Variants in TRIM11 observed in about 807,000 individuals in gnomAD.
TRIM11 encodes E3 ubiquitin-protein ligase TRIM11.
TRIM11 carries 15 observed loss-of-function variants against 33.4 expected under a neutral mutation model. The observed-to-expected ratio is 0.45, with a 90% confidence interval of 0.30 to 0.69. The LOEUF (loss-of-function observed/expected upper bound fraction) is 0.69. Ranked by LOEUF, TRIM11 falls within the 30% of genes least tolerant of loss-of-function variation. The probability of loss-of-function intolerance (pLI) is 0.08; values close to 1 mark genes in which losing one functional copy is unlikely to be tolerated. For missense variants in TRIM11, 499 were observed against 667.6 expected, an observed-to-expected ratio of 0.75 and a Z score of 2.78; for synonymous variants, 281 against 302.6, an observed-to-expected ratio of 0.93 and a Z score of 0.74.
At position 228,402,068 on chromosome 1, in the gene TRIM11, G is replaced by T. The variant is rs747736179; in HGVS notation, c.502C>A (p.Gln168Lys). The change falls in exon 2 of 6, where the codon CAG becomes AAG. Residue 168 changes from glutamine to lysine, a missense_variant and splice_region_variant. Transcript: ENST00000284551. ...ACCCTGGGAGCCCCAGCACCTGCCTGCCACAAGACGCAGGTCTCATCCGCC... is the reference window on the plus strand; with the variant it reads ...ACCCTGGGAGCCCCAGCACCTGCCTTCCACAAGACGCAGGTCTCATCCGCC... ...AQADETCVLW[Q>K]KMVESQRQNV... is the part of the protein sequence containing the mutation. The T allele has an allele frequency of 6.2e-7, 1 of 1,610,874 alleles. No homozygotes were observed. Among genetic ancestry groups the T allele is most frequent in the Non-Finnish European group, 8.5e-7 (1 of 1,178,286 alleles).
chr1:228,401,535 A>G lies in TRIM11; in HGVS notation c.505-341T>C, dbSNP rs964871289. Among the ~76,000 whole-genome samples, 2 of 151,822 alleles carry G rather than the reference A, an allele frequency of 1.3e-5. No homozygotes were observed. Among genetic ancestry groups the G allele is most frequent in the African/African-American group, 4.8e-5 (2 of 41,296 alleles). ...TATCTAGTCCCTCCCCAACTTCCAA[A>G]TCCACCCATTGGCTTGGTAGAACCC... On this transcript the variant is annotated intron_variant, in intron 2 of 5. Coordinates refer to ENST00000284551, the MANE Select transcript of TRIM11 (RefSeq NM_145214.3). The surrounding 1 kb of genome is among the most constrained non-coding windows in gnomAD (Gnocchi z 6.1).
In TRIM11 at chr1:228,401,700, G is replaced by A. The variant is rs1656230454; in HGVS notation, c.504+366C>T. On this transcript the variant is annotated intron_variant, in intron 2 of 5. Coordinates refer to ENST00000284551, the MANE Select transcript of TRIM11 (RefSeq NM_145214.3). The surrounding 1 kb of genome is among the most constrained non-coding windows in gnomAD (Gnocchi z 6.1). ...CAGACCCCAAATCTACCCCAGAACTGGACAGATCCCAAATCTACTCCTCAG... is the reference window on the plus strand; with the variant it reads ...CAGACCCCAAATCTACCCCAGAACTAGACAGATCCCAAATCTACTCCTCAG... Among the ~76,000 whole-genome samples, 1 of 151,780 alleles carries A rather than the reference G, an allele frequency of 6.6e-6. No individual in the cohort carries two copies. Among genetic ancestry groups the A allele is most frequent in the African/African-American group, 2.4e-5 (1 of 41,280 alleles).
rs35670307 is a variant in TRIM11 at position 228,400,953 on chromosome 1, G to A, written c.735+11C>T. 114,788 of 1,547,348 alleles carry A rather than the reference G, an allele frequency of 0.074. 4,851 individuals carry two copies. Among genetic ancestry groups the A allele is most frequent in the Middle Eastern group, 0.12 (582 of 5,044 alleles). On this transcript the variant is annotated intron_variant, in intron 3 of 5. Transcript: ENST00000284551. This position sits in a 1 kb window ranked among gnomAD's most constrained non-coding sequence, Gnocchi z 4.5. ...CGTGTGGCCACCATGGCTGCTCCCC[G>A]CCCAGCTCACCTGCAGCAGCCCCAG... is the stretch of plus-strand genomic sequence containing the variant.
rs2074976047 is a variant in TRIM11, at chr1:228,395,417, G to A, written c.860-165C>T. On this transcript the variant is annotated intron_variant, in intron 5 of 5. Transcript: ENST00000284551. The surrounding 1 kb of genome is among the most constrained non-coding windows in gnomAD (Gnocchi z 4.8). Reference sequence around the variant, plus strand: ...CTGGAGTAACTAACTGTCTCCAAGTGGACATCCTCTCCCCACTTAGCTACG... The same window carrying A: ...CTGGAGTAACTAACTGTCTCCAAGTAGACATCCTCTCCCCACTTAGCTACG... 6 of 582,244 alleles carry A rather than the reference G, an allele frequency of 1.0e-5. No individual in the cohort carries two copies. The highest frequency in any genetic ancestry group is 1.9e-5 in the African/African-American group (1 of 52,062). 36.1% of individuals were successfully genotyped at this position (582,244 alleles called of 1,614,324 possible).
In TRIM11 at chr1:228,402,065, C is replaced by T; in HGVS notation, c.504+1G>A. 1 of 1,610,754 alleles carries T rather than the reference C, an allele frequency of 6.2e-7. No individual in the cohort carries two copies. Among genetic ancestry groups the T allele is most frequent in the Non-Finnish European group, 8.5e-7 (1 of 1,178,220 alleles). On this transcript the variant is annotated splice_donor_variant, in intron 2 of 5. Coordinates refer to ENST00000284551, the MANE Select transcript of TRIM11 (RefSeq NM_145214.3). LOFTEE classifies it high-confidence loss of function. Reference sequence around the variant, plus strand: ...AGGACCCTGGGAGCCCCAGCACCTGCCTGCCACAAGACGCAGGTCTCATCC... The same window carrying T: ...AGGACCCTGGGAGCCCCAGCACCTGTCTGCCACAAGACGCAGGTCTCATCC...
chr1:228,396,439 T>A, intron 5 of TRIM11: 1 of 560,284 alleles, frequency 1.8e-6, no homozygotes, highest in Non-Finnish European at 3.2e-6. Flanking sequence ...TTCCCCAGGC[T>A]TTGCCCATGT....
chr1:228,405,865 T>C (rs1224467701), intron 1 of TRIM11: 2 of 361,326 alleles, frequency 5.5e-6, no homozygotes, highest in East Asian at 8.4e-5. Flanking sequence ...CCTTCCTCTC[T>C]TAGCCTCTAT....
intron 3 of TRIM11, among the ~76,000 whole-genome samples, chr1:228,398,452 T>TA (rs973817429): frequency 1.6e-4 from 25 of 151,598 alleles, no homozygotes; most frequent in Non-Finnish European, 2.5e-4. Flanking sequence ...GTCCCATCTC[T>TA]AAAAAAAAAT....
At position 228,395,175 on chromosome 1, in the gene TRIM11, C is replaced by G; in HGVS notation, c.937G>C (p.Asp313His). The G allele has an allele frequency of 6.6e-7, 1 of 1,519,552 alleles. No homozygotes were observed. The highest frequency in any genetic ancestry group is 8.8e-7 in the Non-Finnish European group (1 of 1,140,408). The allele number at this position is 1,519,552 out of a possible 1,614,324, so 94.1% of individuals were successfully genotyped here. Residue 313 changes from aspartate to histidine, a missense_variant, in exon 6 of 6, where the codon GAC (aspartate) becomes CAC (histidine). Physicochemically the swap from Asp to His is moderately conservative, Grantham distance 81 (BLOSUM62 -1). Transcript: ENST00000284551. This position sits in a 1 kb window ranked among gnomAD's most constrained non-coding sequence, Gnocchi z 4.8. ...SEDRRSVQRG[D>H]LRQALPDSPE... ...CTGTCCGGCAGGGCCTGCCGTAGGT[C>G]CCCCCGCTGCACGCTCCGCCTGTCT... is the stretch of plus-strand genomic sequence containing the variant.
At position 228,395,328 on chromosome 1, in the gene TRIM11, T is replaced by C. The variant is rs1200094841; in HGVS notation, c.860-76A>G. 6 of 1,376,764 alleles carry C rather than the reference T, an allele frequency of 4.4e-6. No individual in the cohort carries two copies. The African/African-American group carries it at 8.7e-5, about 20-fold the overall frequency. The allele number at this position is 1,376,764 out of a possible 1,614,324, so 85.3% of individuals were successfully genotyped here. ...GCCATCTGCCCATGTCCTGGGCATG[T>C]AGGTACAATCCTCCCAGTCGGACGG... On this transcript the variant is annotated intron_variant, in intron 5 of 5. Coordinates refer to ENST00000284551, the MANE Select transcript of TRIM11 (RefSeq NM_145214.3). The surrounding 1 kb of genome is among the most constrained non-coding windows in gnomAD (Gnocchi z 4.8).
intron 1 of TRIM11, chr1:228,405,518 G>A (rs1040884758): frequency 6.6e-6 from 1 of 152,238 alleles, no homozygotes; most frequent in African/African-American, 2.4e-5. Context: ...CCTTCAGCTC[G>A]GGTTTTATTT....
At position 228,395,034 on chromosome 1, in the gene TRIM11, T is replaced by C. The variant is rs2074968456; in HGVS notation, c.1078A>G (p.Arg360Gly). 2 of 1,613,900 alleles carry C rather than the reference T, an allele frequency of 1.2e-6. No individual in the cohort carries two copies. Among genetic ancestry groups the C allele is most frequent in the Non-Finnish European group, 1.7e-6 (2 of 1,179,880 alleles). Residue 360 changes from arginine to glycine, a missense_variant, in exon 6 of 6, where the codon AGG (arginine) becomes GGG (glycine). By Grantham distance (125) the Arg-to-Gly change is moderately radical (BLOSUM62 -2). Transcript: ENST00000284551. The surrounding 1 kb of genome is among the most constrained non-coding windows in gnomAD (Gnocchi z 4.8). ...TTCTCCTTCCTGTTCACGTTCTCCC[T>C]GCACACCCCCAGGGCCCAGCTGGTG... is the stretch of plus-strand genomic sequence containing the variant. ...DRTSWALGVC[R>G]ENVNRKEKGE...
At position 228,401,278 on chromosome 1, in the gene TRIM11, C is replaced by T; in HGVS notation, c.505-84G>A. ...AGTTTGGTCAGACCCCAAGCCCACC[C>T]AGAGGCCTGGCTGCACCCAACCCCA... On this transcript the variant is annotated intron_variant, in intron 2 of 5. Coordinates refer to ENST00000284551, the MANE Select transcript of TRIM11 (RefSeq NM_145214.3). This position sits in a 1 kb window ranked among gnomAD's most constrained non-coding sequence, Gnocchi z 6.1. 1 of 1,501,036 alleles carries T rather than the reference C, an allele frequency of 6.7e-7. No homozygotes were observed. Among genetic ancestry groups the T allele is most frequent in the Non-Finnish European group, 9.0e-7 (1 of 1,115,790 alleles). The allele number at this position is 1,501,036 out of a possible 1,614,324, so 93.0% of individuals were successfully genotyped here.
chr1:228,396,789 A>C, intron 5 of TRIM11, 158 bp downstream of exon 5: 1 of 742,060 alleles, frequency 1.3e-6, no homozygotes, highest in South Asian at 1.5e-5. Flanking sequence ...AACTGATGTC[A>C]GAAGTATGAG....
In TRIM11 at chr1:228,400,986, AGCT is replaced by A; in HGVS notation, c.710_712del (p.Gln237del). The A allele has an allele frequency of 6.3e-7, 1 of 1,587,382 alleles. No homozygotes were observed. The highest frequency in any genetic ancestry group is 8.6e-7 in the Non-Finnish European group (1 of 1,165,398). On this transcript the variant is annotated inframe_deletion, in exon 3 of 6. Coordinates refer to ENST00000284551, the MANE Select transcript of TRIM11 (RefSeq NM_145214.3). The surrounding 1 kb of genome is among the most constrained non-coding windows in gnomAD (Gnocchi z 4.5). ...CACCTGCAGCAGCCCCAGAGCAGGC[AGCT>A]GGCAGCGGCCCTCGAGCTCGGCGAT... is the stretch of plus-strand genomic sequence containing the variant.
rs1656360916 is a variant in TRIM11, at chr1:228,405,197, G to C, written c.408+957C>G. 9 of 152,342 alleles carry C rather than the reference G, an allele frequency of 5.9e-5. No individual in the cohort carries two copies. The South Asian group carries it at 1.9e-3, about 32-fold the overall frequency. 9.4% of individuals were successfully genotyped at this position (152,342 alleles called of 1,614,324 possible). On this transcript the variant is annotated intron_variant, in intron 1 of 5. Coordinates refer to ENST00000284551, the MANE Select transcript of TRIM11 (RefSeq NM_145214.3). ...TGAATCTGTGTCTGAACAAGCCCAC[G>C]GATATGGCTCTAAACCACCTTTCTG...
chr1:228,399,703 C>G (rs952858829), intron 3 of TRIM11, among the ~76,000 whole-genome samples: 5 of 151,842 alleles, frequency 3.3e-5, no homozygotes, highest in African/African-American at 1.2e-4. Context: ...GCTAGCCGAG[C>G]GTCCTTCCCG....
Position 228,394,435 on chromosome 1 carries a change from G to A in TRIM11, c.*270C>T. On this transcript the variant is annotated 3_prime_UTR_variant, in exon 6 of 6. Transcript: ENST00000284551. This position sits in a 1 kb window ranked among gnomAD's most constrained non-coding sequence, Gnocchi z 6.2. ...CAGGCCAGAGCTGCCGGGGCAATGG[G>A]GCTCCCAGCTTTGGTAAGGGCTGTT... is the stretch of plus-strand genomic sequence containing the variant. The A allele has an allele frequency of 2.1e-6, 1 of 472,352 alleles. No individual in the cohort carries two copies. Among genetic ancestry groups the A allele is most frequent in the Non-Finnish European group, 3.7e-6 (1 of 269,078 alleles). 29.3% of individuals were successfully genotyped at this position (472,352 alleles called of 1,614,324 possible).
chr1:228,396,782 T>C (rs1343768488), intron 5 of TRIM11, 165 bp downstream of exon 5: 1 of 733,684 alleles, frequency 1.4e-6, no homozygotes. Flanking sequence ...CCCACACAAC[T>C]GATGTCAGAA....
Sources: allele counts gnomAD v4.1 joint callset (sites outside exome capture counted in the v4.1 genomes callset), GRCh38; gene constraint gnomAD v4.1.1; non-coding constraint Gnocchi (gnomAD v3.1); transcripts MANE v1.5; gene names NCBI Gene and HGNC (gene_info 2026-07-23, HGNC 2026-07-21).